The following CSMD1 variants were observed in gnomAD, a reference collection of about 807,000 sequenced individuals.
CSMD1 encodes CUB and sushi domain-containing protein 1.
CSMD1 carries 213 observed loss-of-function variants against 417.5 expected under a neutral mutation model. That is an observed-to-expected ratio of 0.51 (90% CI 0.46 to 0.57). The LOEUF (loss-of-function observed/expected upper bound fraction) is 0.57, where lower values mean the gene tolerates loss of function less well. CSMD1 is among the 20% of genes least tolerant of loss of function. The pLI, the probability that CSMD1 is intolerant of heterozygous loss-of-function variation, is 0.00. For synonymous variants in CSMD1, 2,862 were observed against 1,736.8 expected (o/e 1.65, Z -16.11); for missense variants, 6,923 against 4,529.7 (o/e 1.53, Z -15.17).
chr8:4,438,486 C>A (rs1213381070), intron 2 of CSMD1, among the ~76,000 whole-genome samples: 1 of 152,208 alleles, frequency 6.6e-6, no homozygotes, highest in Non-Finnish European at 1.5e-5. Context: ...GCTTGGGTTC[C>A]ACAGCACCTG....
At chr8:4,730,856 G>A (rs1187967070) in intron 1 of CSMD1, among the ~76,000 whole-genome samples, 3 of 152,126 alleles carry the variant, frequency 2.0e-5, no homozygotes, top group African/African-American at 7.2e-5. Flanking sequence ...AATAAGAGCC[G>A]TAACGAGAAA....
At chr8:4,461,385 G>C (rs898925740) in intron 2 of CSMD1, among the ~76,000 whole-genome samples, 1 of 150,920 alleles carries the variant, frequency 6.6e-6, no homozygotes, top group Non-Finnish European at 1.5e-5. Flanking sequence ...GAAATTTAAA[G>C]GCATAAAGAT....
chr8:3,046,487 C>A (rs139284955), intron 50 of CSMD1, among the ~76,000 whole-genome samples: 1 of 152,142 alleles, frequency 6.6e-6, no homozygotes, highest in Non-Finnish European at 1.5e-5. Context: ...TCAGAGCTAA[C>A]AGTGCGCTCA....
chr8:4,116,343 G>T (rs1346434675), intron 3 of CSMD1, among the ~76,000 whole-genome samples: 2 of 152,070 alleles, frequency 1.3e-5, no homozygotes, highest in Non-Finnish European at 2.9e-5. Context: ...ATACTATAAG[G>T]GTGGATACAT....
chr8:3,919,392 T>C (rs1161457256), intron 5 of CSMD1, among the ~76,000 whole-genome samples: 2 of 152,106 alleles, frequency 1.3e-5, no homozygotes, highest in Non-Finnish European at 2.9e-5. Flanking sequence ...TTGAAGAGAC[T>C]CTCTTTTCCC....
At chr8:2,999,823 T>G in intron 53 of CSMD1, 135 bp downstream of exon 53, 1 of 711,262 alleles carries the variant, frequency 1.4e-6, no homozygotes, top group Non-Finnish European at 2.2e-6. Flanking sequence ...TTCTCTTTCT[T>G]TGTATAGGCA....
intron 2 of CSMD1, among the ~76,000 whole-genome samples, chr8:4,481,107 C>A (rs1282085793): frequency 6.6e-6 from 1 of 152,206 alleles, no homozygotes; most frequent in Non-Finnish European, 1.5e-5. Context: ...TCCACTCCAG[C>A]CTTATTTACA....
chr8:4,028,749 C>T (rs1366637441), intron 4 of CSMD1, among the ~76,000 whole-genome samples: 2 of 152,068 alleles, frequency 1.3e-5, no homozygotes, highest in Non-Finnish European at 2.9e-5. Context: ...TACATTAGTG[C>T]TTGTTGTGAG....
At chr8:4,388,711 A>C (rs964312392) in intron 3 of CSMD1, among the ~76,000 whole-genome samples, 3 of 152,186 alleles carry the variant, frequency 2.0e-5, no homozygotes, top group Non-Finnish European at 2.9e-5. Flanking sequence ...AAAACAAAAA[A>C]TAAAATGTAC....
chr8:4,455,660 G>C (rs34078610), intron 2 of CSMD1, among the ~76,000 whole-genome samples: 33,282 of 151,714 alleles, frequency 0.22, 4,097 homozygotes, highest in Middle Eastern at 0.3. Flanking sequence ...GCCAGATACA[G>C]TGGCTCACCC....
chr8:4,600,418 T>C (rs73502571), intron 2 of CSMD1, among the ~76,000 whole-genome samples: 4,730 of 152,298 alleles, frequency 0.031, 118 homozygotes, highest in African/African-American at 0.07. Flanking sequence ...CAGATGGATA[T>C]GTTCCTTATT....
intron 2 of CSMD1, among the ~76,000 whole-genome samples, chr8:4,527,236 C>A (rs1585204877): frequency 6.6e-6 from 1 of 152,156 alleles, no homozygotes; most frequent in Admixed American, 6.5e-5. Flanking sequence ...GCTGTAATTA[C>A]ATCAAACATT....
At chr8:4,463,808 A>G (rs1413340879) in intron 2 of CSMD1, among the ~76,000 whole-genome samples, 2 of 152,166 alleles carry the variant, frequency 1.3e-5, no homozygotes, top group Admixed American at 6.5e-5. Flanking sequence ...ACATCTTCCA[A>G]AAATAACTGT....
rs967853094 is a variant in CSMD1, at chr8:3,262,202, T to G, written c.4153+21942A>C. 1.2e-3 allele frequency among the ~76,000 whole-genome samples: 109 copies of G among 88,780 alleles called. 4 individuals carry two copies. The highest frequency in any genetic ancestry group is 3.7e-3 in the African/African-American group (99 of 26,538). 58.2% of individuals were successfully genotyped at this position (88,780 alleles called of 152,430 possible). ...TCATATGAATATATATATATATATA[T>G]ATATATATATATATATATATATATA... On this transcript the variant is annotated intron_variant, in intron 26 of 69. Transcript: ENST00000635120.
At chr8:4,947,507 T>A (rs955048244) in intron 1 of CSMD1, among the ~76,000 whole-genome samples, 5 of 152,238 alleles carry the variant, frequency 3.3e-5, no homozygotes, top group Middle Eastern at 6.8e-3. Flanking sequence ...CATGTGGTAA[T>A]AACATCAATC....
chr8:3,972,869 G>A (rs560743543), intron 5 of CSMD1, among the ~76,000 whole-genome samples: 9 of 151,492 alleles, frequency 5.9e-5, no homozygotes, highest in Non-Finnish European at 1.3e-4. Context: ...AAGAGCAAAC[G>A]GAAAAAATAA....
chr8:4,504,798 C>A (rs1181017601), intron 2 of CSMD1, among the ~76,000 whole-genome samples: 3 of 152,120 alleles, frequency 2.0e-5, no homozygotes, highest in African/African-American at 7.2e-5. Flanking sequence ...CATGTCCCTG[C>A]AAAGGACATG....
intron 7 of CSMD1, among the ~76,000 whole-genome samples, chr8:3,643,220 C>G (rs1310788678): frequency 1.3e-5 from 2 of 151,812 alleles, no homozygotes; most frequent in East Asian, 3.9e-4. Flanking sequence ...AAATGGTGAC[C>G]ATATTGTGGT....
intron 55 of CSMD1, among the ~76,000 whole-genome samples, chr8:2,976,290 C>G (rs1318089750): frequency 6.6e-6 from 1 of 151,940 alleles, no homozygotes; most frequent in Non-Finnish European, 1.5e-5. Context: ...ACTGAAAAGG[C>G]AAGAGGCATT....
Sources: allele counts gnomAD v4.1 joint callset (sites outside exome capture counted in the v4.1 genomes callset), GRCh38; gene constraint gnomAD v4.1.1; transcripts MANE v1.5; gene names NCBI Gene and HGNC (gene_info 2026-07-23, HGNC 2026-07-21).